AFF3: variants seen among roughly 807,000 people sequenced by gnomAD.
AFF3 encodes AF4/FMR2 family member 3.
AFF3 carries 32 observed loss-of-function variants against 129.7 expected under a neutral mutation model. That is an observed-to-expected ratio of 0.25 (90% CI 0.19 to 0.33). The LOEUF is 0.33. Among genes scored for constraint, AFF3 ranks in the 10% least tolerant of loss-of-function variants. The pLI is 1.00. For synonymous variants in AFF3, 644 were observed against 635.4 expected (o/e 1.01, Z -0.20); for missense variants, 1,373 against 1,592.0 (o/e 0.86, Z 2.34).
At chr2:99,967,139 C>G (rs138045576) in intron 7 of AFF3, among the ~76,000 whole-genome samples, 2 of 152,084 alleles carry the variant, frequency 1.3e-5, no homozygotes, top group Non-Finnish European at 2.9e-5. Flanking sequence ...TGCTCTTTCC[C>G]CCAGTCCTTC....
At chr2:99,954,908 A>G (rs1379969331) in intron 7 of AFF3, among the ~76,000 whole-genome samples, 1 of 151,996 alleles carries the variant, frequency 6.6e-6, no homozygotes, top group Admixed American at 6.6e-5. Context: ...TAAAACTTGA[A>G]GTATAATAAT....
intron 8 of AFF3, among the ~76,000 whole-genome samples, chr2:99,801,455 A>T (rs1001793022): frequency 5.9e-5 from 9 of 152,196 alleles, no homozygotes; most frequent in African/African-American, 1.9e-4. Context: ...CAGAGTCAAC[A>T]AAGTGAAGCC....
intron 7 of AFF3, among the ~76,000 whole-genome samples, chr2:99,938,144 C>T (rs1345394453): frequency 2.0e-5 from 3 of 152,158 alleles, no homozygotes; most frequent in Non-Finnish European, 2.9e-5. Context: ...CACACAGTAA[C>T]TGCTCAAAAA....
At chr2:99,749,314 T>A (rs1681431442) in intron 9 of AFF3, among the ~76,000 whole-genome samples, 1 of 152,206 alleles carries the variant, frequency 6.6e-6, no homozygotes, top group Admixed American at 6.5e-5. Context: ...AATGAAATTT[T>A]TGTACTAATG....
rs576843997 is a variant in AFF3 at position 99,802,526 on chromosome 2, A to G, written c.921+34951T>C. Among the ~76,000 whole-genome samples, 11 of 152,166 alleles carry G rather than the reference A, an allele frequency of 7.2e-5. 1 individual carries two copies. The South Asian group carries it at 1.9e-3, about 26-fold the overall frequency. ...AAATTTTGAAAACTTAGCCAGGTGC[A>G]GTGGTGTGCGCCTGTAGTCCTAGCT... On this transcript the variant is annotated intron_variant, in intron 8 of 24. Coordinates refer to ENST00000672756, the MANE Select transcript of AFF3 (RefSeq NM_001386135.1).
chr2:99,923,704 A>G (rs1198042031), intron 7 of AFF3, among the ~76,000 whole-genome samples: 1 of 152,130 alleles, frequency 6.6e-6, no homozygotes, highest in Non-Finnish European at 1.5e-5. Context: ...TTAAGAAAAA[A>G]ATTCCCAAAA....
intron 11 of AFF3, among the ~76,000 whole-genome samples, chr2:99,688,133 C>T (rs767197092): frequency 4.5e-4 from 68 of 152,180 alleles, no homozygotes; most frequent in African/African-American, 1.4e-4. Flanking sequence ...TGAGCCACTG[C>T]GCCCGGCCCC....
intron 3 of AFF3, 166 bp downstream of exon 3, chr2:100,105,338 T>C: frequency 8.2e-7 from 1 of 1,223,272 alleles, no homozygotes; most frequent in Non-Finnish European, 1.0e-6. Context: ...AACAAACCGT[T>C]TAAGGTCTCT....
chr2:99,660,358 A>G (rs1032599999), intron 12 of AFF3, among the ~76,000 whole-genome samples: 3 of 152,248 alleles, frequency 2.0e-5, no homozygotes, highest in Admixed American at 1.3e-4. Context: ...TGTTTCATTT[A>G]AACCTTTTTT....
At chr2:99,842,843 A>T (rs1474746149) in intron 7 of AFF3, among the ~76,000 whole-genome samples, 1 of 152,216 alleles carries the variant, frequency 6.6e-6, no homozygotes, top group Non-Finnish European at 1.5e-5. Context: ...AAAGAGTGTG[A>T]TCAAATCAGT....
At chr2:99,567,761 G>A (rs1676110071) in intron 19 of AFF3, among the ~76,000 whole-genome samples, 1 of 152,156 alleles carries the variant, frequency 6.6e-6, no homozygotes, top group Non-Finnish European at 1.5e-5. Flanking sequence ...GTCTCCTCTT[G>A]GGAAATCGTC....
chr2:99,935,533 T>C (rs531983198), intron 7 of AFF3, among the ~76,000 whole-genome samples: 1 of 152,328 alleles, frequency 6.6e-6, no homozygotes, highest in African/African-American at 2.4e-5. Flanking sequence ...CAGTAGCATG[T>C]ACAATTTAGG....
intron 11 of AFF3, among the ~76,000 whole-genome samples, chr2:99,708,756 A>G (rs747984311): frequency 1.3e-5 from 2 of 152,224 alleles, no homozygotes; most frequent in Non-Finnish European, 2.9e-5. Context: ...TGCTTCTGAC[A>G]TTTAAAGATA....
At chr2:100,000,979 C>T (rs1442333753) in intron 7 of AFF3, among the ~76,000 whole-genome samples, 7 of 152,206 alleles carry the variant, frequency 4.6e-5, no homozygotes, top group Admixed American at 1.3e-4. Flanking sequence ...GTGGAATAAA[C>T]ACGGGATCAC....
chr2:99,750,375 T>A (rs1463917887), intron 9 of AFF3, among the ~76,000 whole-genome samples: 1 of 150,540 alleles, frequency 6.6e-6, no homozygotes, highest in East Asian at 1.9e-4. Context: ...ATGATAATAA[T>A]CATTGGCAAA....
At chr2:99,560,800 C>T (rs1675398051) in intron 20 of AFF3, among the ~76,000 whole-genome samples, 1 of 152,230 alleles carries the variant, frequency 6.6e-6, no homozygotes, top group Admixed American at 6.5e-5. Flanking sequence ...GAAGTTCTAT[C>T]CTTCTGTGCT....
chr2:99,551,282 C>T lies in AFF3; in HGVS notation c.*192G>A. Reference sequence around the variant, plus strand: ...TCTGAAGAGCTGTGTATCTTACACACATACACAGGCGGCTTCTTATATACC... The same window carrying T: ...TCTGAAGAGCTGTGTATCTTACACATATACACAGGCGGCTTCTTATATACC... On this transcript the variant is annotated 3_prime_UTR_variant, in exon 25 of 25. Coordinates refer to ENST00000672756, the MANE Select transcript of AFF3 (RefSeq NM_001386135.1). The T allele has an allele frequency of 1.4e-6, 1 of 701,164 alleles. No individual in the cohort carries two copies. Among genetic ancestry groups the T allele is most frequent in the Non-Finnish European group, 2.3e-6 (1 of 429,042 alleles). 43.4% of individuals were successfully genotyped at this position (701,164 alleles called of 1,614,324 possible).
intron 7 of AFF3, among the ~76,000 whole-genome samples, chr2:99,942,020 A>G (rs563764120): frequency 2.6e-5 from 4 of 152,348 alleles, no homozygotes; most frequent in African/African-American, 4.8e-5. Context: ...CAACATATAT[A>G]TAAGTGTAAG....
chr2:99,904,121 T>C (rs1212500539), intron 7 of AFF3, among the ~76,000 whole-genome samples: 1 of 152,138 alleles, frequency 6.6e-6, no homozygotes, highest in Non-Finnish European at 1.5e-5. Context: ...TCTGATAGCT[T>C]TACCATCTGA....
Sources: allele counts gnomAD v4.1 joint callset (sites outside exome capture counted in the v4.1 genomes callset), GRCh38; gene constraint gnomAD v4.1.1; transcripts MANE v1.5; gene names NCBI Gene and HGNC (gene_info 2026-07-23, HGNC 2026-07-21).